Variants in SAMM50 observed in about 807,000 individuals in gnomAD.
SAMM50 encodes the protein SAMM50 sorting and assembly machinery component, also known as sorting and assembly machinery component 50 homolog.
In SAMM50, 47 loss-of-function variants were observed where a neutral mutation model predicts 66.9. The ratio of observed to expected loss-of-function variants is 0.70; its 90% CI spans 0.56 to 0.90. SAMM50 has a LOEUF of 0.90. SAMM50 is among the 40% of genes least tolerant of loss of function. SAMM50 has a pLI of 0.00. For synonymous variants in SAMM50, 191 were observed against 214.1 expected (o/e 0.89, Z 0.94); for missense variants, 535 against 595.3 (o/e 0.90, Z 1.05).
Position 43,989,266 on chromosome 22 carries a change from T to A in SAMM50, c.1222+9T>A, listed in dbSNP as rs369880135. 2.2e-4 allele frequency: 356 copies of A among 1,613,754 alleles called. No individual in the cohort carries two copies. The highest frequency in any genetic ancestry group is 2.8e-4 in the Non-Finnish European group (333 of 1,179,916). On this transcript the variant is annotated intron_variant, in intron 13 of 14. Coordinates refer to ENST00000350028, the MANE Select transcript of SAMM50 (RefSeq NM_015380.5). The stretch of plus-strand genomic sequence containing the variant: ...CTGCAACCTCAACTATGGTAAAACT[T>A]GCGCTATTCAAGAAACCATTGTAGT...
At chr22:43,994,927 C>T (rs2050344992) in intron 14 of SAMM50, among the ~76,000 whole-genome samples, 1 of 152,218 alleles carries the variant, frequency 6.6e-6, no homozygotes, top group African/African-American at 2.4e-5. Context: ...TTCTGAATTA[C>T]ATATGCCAAG....
intron 11 of SAMM50, among the ~76,000 whole-genome samples, chr22:43,982,018 C>T (rs1233765264): frequency 2.0e-5 from 3 of 152,166 alleles, no homozygotes; most frequent in Non-Finnish European, 2.9e-5. Context: ...TTTTAGGAAG[C>T]TTACAGCAAT....
At chr22:43,967,421 C>A (rs1310465992) in intron 3 of SAMM50, among the ~76,000 whole-genome samples, 1 of 152,232 alleles carries the variant, frequency 6.6e-6, no homozygotes, top group Non-Finnish European at 1.5e-5. Context: ...CAGTGCTAAG[C>A]GCCGAGCTGC....
In SAMM50 at chr22:43,996,335, T is replaced by C. The variant is rs751883432; in HGVS notation, c.1365-3T>C. 15 of 1,613,962 alleles carry C rather than the reference T, an allele frequency of 9.3e-6. No individual in the cohort carries two copies. The African/African-American group carries it at 1.9e-4, about 20-fold the overall frequency. On this transcript the variant is annotated splice_polypyrimidine_tract_variant and splice_region_variant and intron_variant, in intron 14 of 14. Coordinates refer to ENST00000350028, the MANE Select transcript of SAMM50 (RefSeq NM_015380.5). ...CCGCATCTGATCTCTCCCCTTTTTT[T>C]AGGATATGTGATGGCGTCCAGTTTG...
chr22:43,982,801 A>G (rs1488121661), intron 11 of SAMM50, among the ~76,000 whole-genome samples: 1 of 152,058 alleles, frequency 6.6e-6, no homozygotes, highest in African/African-American at 2.4e-5. Context: ...ACGCCCAGCT[A>G]ATTTTTGTAT....
At chr22:43,974,127 TC>T (rs1345939286) in intron 7 of SAMM50, among the ~76,000 whole-genome samples, 2 of 152,122 alleles carry the variant, frequency 1.3e-5, no homozygotes, top group Non-Finnish European at 2.9e-5. Context: ...TAAGAGTCGT[TC>T]CCCACATGTG....
Position 43,964,503 on chromosome 22 carries a change from A to G in SAMM50, c.184A>G (p.Ile62Val), listed in dbSNP as rs986851673. 6.8e-6 allele frequency: 11 copies of G among 1,612,930 alleles called. No individual in the cohort carries two copies. The highest frequency in any genetic ancestry group is 6.8e-6 in the Non-Finnish European group (8 of 1,179,028). Residue 62 changes from isoleucine (I) to valine (V), a missense_variant, in exon 3 of 15, where the codon ATC becomes GTC. Transcript: ENST00000350028. The stretch of plus-strand genomic sequence containing the variant: ...TGGACTTGGAAGGACTAAAGATGAT[A>G]TCATCATTTGTGAAATTGGAGATGT... Reference protein sequence around the residue: ...FDGLGRTKDDIIICEIGDVFK... With the variant: ...FDGLGRTKDDVIICEIGDVFK...
rs202197231 is a variant in SAMM50 at position 43,968,772 on chromosome 22, T to C, written c.276T>C (p.Arg92=). ...KSHEAREKLL[R]LGIFRQVDVL... is the part of the protein sequence containing the mutation. The stretch of plus-strand genomic sequence containing the variant: ...ATGAAGCCCGTGAAAAATTGCTCCG[T>C]CTTGGAATTTTTAGACAAGTGGATG... Residue 92 remains arginine, a synonymous_variant, in exon 4 of 15, where the codon CGT becomes CGC. Transcript: ENST00000350028. The C allele has an allele frequency of 5.8e-5, 93 of 1,613,596 alleles. No individual in the cohort carries two copies. The Middle Eastern group carries it at 8.2e-4, about 14-fold the overall frequency.
chr22:43,984,097 C>T, intron 12 of SAMM50, 97 bp downstream of exon 12: 1 of 1,035,318 alleles, frequency 9.7e-7, no homozygotes. Context: ...AATAGACATT[C>T]CTCTTTCACG....
intron 14 of SAMM50, among the ~76,000 whole-genome samples, chr22:43,993,626 G>T: frequency 6.6e-6 from 1 of 152,244 alleles, no homozygotes; most frequent in East Asian, 1.9e-4. Flanking sequence ...ATTATGGACA[G>T]TGAGCTCTGA....
chr22:43,964,386 T>C, intron 2 of SAMM50, 66 bp from the exon 3 acceptor site: 1 of 761,550 alleles, frequency 1.3e-6, no homozygotes. Flanking sequence ...TGACATTGTC[T>C]TTAGTCTTGA....
intron 3 of SAMM50, 79 bp downstream of exon 3, chr22:43,964,632 G>A: frequency 1.3e-6 from 1 of 779,926 alleles, no homozygotes; most frequent in Non-Finnish European, 2.2e-6. Flanking sequence ...AAACCACAGA[G>A]CACCCTGCGC....
chr22:43,974,426 T>C (rs1211943181), intron 7 of SAMM50, among the ~76,000 whole-genome samples: 2 of 152,190 alleles, frequency 1.3e-5, no homozygotes, highest in African/African-American at 4.8e-5. Flanking sequence ...AGAGGCGTGG[T>C]AAAGCTCCTG....
chr22:43,970,635 C>T (rs1289230268), intron 4 of SAMM50, among the ~76,000 whole-genome samples: 1 of 152,098 alleles, frequency 6.6e-6, no homozygotes, highest in Non-Finnish European at 1.5e-5. Flanking sequence ...GACAAATGTA[C>T]CACACATGCG....
At chr22:43,989,496 C>T (rs1430504999) in intron 13 of SAMM50, among the ~76,000 whole-genome samples, 1 of 151,896 alleles carries the variant, frequency 6.6e-6, no homozygotes, top group African/African-American at 2.4e-5. Flanking sequence ...GCCATCACGC[C>T]CGGCTAATTT....
intron 14 of SAMM50, among the ~76,000 whole-genome samples, chr22:43,995,675 G>T (rs952861742): frequency 1.3e-5 from 2 of 152,204 alleles, no homozygotes; most frequent in Non-Finnish European, 2.9e-5. Context: ...CTGGAGTCCT[G>T]TCCTGCCACT....
chr22:43,991,463 C>T (rs575408096), intron 14 of SAMM50, among the ~76,000 whole-genome samples: 6 of 151,990 alleles, frequency 3.9e-5, no homozygotes, highest in African/African-American at 1.4e-4. Context: ...AGGGTTTTAC[C>T]ACATTGCCCA....
At chr22:43,984,111 G>A in intron 12 of SAMM50, 111 bp downstream of exon 12, 1 of 898,772 alleles carries the variant, frequency 1.1e-6, no homozygotes, top group Non-Finnish European at 1.7e-6. Flanking sequence ...TTTCACGGTG[G>A]TGGAATTAGC....
At chr22:43,968,229 AAAAAAAAAAAAAAAAAAAGAAAAAAG>A (rs2050184045) in intron 3 of SAMM50, among the ~76,000 whole-genome samples, 1 of 142,044 alleles carries the variant, frequency 7.0e-6, no homozygotes, top group South Asian at 2.1e-4. Flanking sequence ...TCTGTCTCAA[AAAAAAAAAAAAAAAAAAAGAAAAAAG>A]AAAAAAAGAA....
Sources: gnomAD v4.1 joint callset for allele counts (sites outside exome capture counted in the v4.1 genomes callset) on GRCh38, gnomAD v4.1.1 for gene constraint, MANE v1.5 for transcripts, NCBI Gene and HGNC (gene_info 2026-07-23, HGNC 2026-07-21) for gene names.